Variants in CAT observed in about 807,000 individuals in gnomAD.
CAT encodes the protein catalase.
In CAT, 43 loss-of-function variants were observed where a neutral mutation model predicts 59.0. The observed-to-expected ratio is 0.73, with a 90% CI of 0.57 to 0.94. CAT has a LOEUF of 0.94. Among genes scored for constraint, CAT ranks in the 40% least tolerant of loss-of-function variants. The probability of loss-of-function intolerance (pLI) is 0.00; values close to 1 mark genes in which losing one functional copy is unlikely to be tolerated. For missense variants in CAT, 664 were observed against 682.9 expected, an observed-to-expected ratio of 0.97 and a Z score of 0.31; for synonymous variants, 218 against 230.9, an observed-to-expected ratio of 0.94 and a Z score of 0.51.
chr11:34,439,253 AG>A (rs1171630843), intron 1 of CAT, among the ~76,000 whole-genome samples, 174 bp downstream of exon 1: 1 of 151,642 alleles, frequency 6.6e-6, no homozygotes, highest in African/African-American at 2.4e-5. Flanking sequence ...GAAGCAGGGG[AG>A]GGGGGTCCGG....
intron 1 of CAT, among the ~76,000 whole-genome samples, chr11:34,442,682 C>T (rs1856405669): frequency 2.0e-5 from 3 of 152,218 alleles, no homozygotes; most frequent in Admixed American, 2.0e-4. Context: ...TGGGTGGGTG[C>T]TCTGCTTCCC....
chr11:34,461,385 T>A lies in CAT; in HGVS notation c.1191T>A (p.Asn397Lys). The change falls in exon 9 of 13, where the codon AAT (asparagine) becomes AAA (lysine). Residue 397 changes from asparagine to lysine, a missense_variant. Transcript: ENST00000241052. ...QRDGPMCMQD[N>K]QGGAPNYYPN... is the part of the protein sequence containing the mutation. Reference sequence around the variant, plus strand: ...ACGGCCCGATGTGCATGCAGGACAATCAGGGTAGGCCTAAAGACGTTGGGC... The same window carrying A: ...ACGGCCCGATGTGCATGCAGGACAAACAGGGTAGGCCTAAAGACGTTGGGC... The A allele has an allele frequency of 8.7e-6, 14 of 1,614,112 alleles. No homozygotes were observed. The highest frequency in any genetic ancestry group is 1.2e-5 in the Non-Finnish European group (14 of 1,180,014).
chr11:34,470,899 G>T (rs1856765480), intron 11 of CAT, 59 bp from the exon 12 acceptor site: 7 of 1,368,520 alleles, frequency 5.1e-6, no homozygotes, highest in Non-Finnish European at 7.3e-6. Context: ...CACAGTCCCT[G>T]GGGAGTGATA....
chr11:34,439,438 G>C (rs1400626808), intron 1 of CAT, among the ~76,000 whole-genome samples: 1 of 152,130 alleles, frequency 6.6e-6, no homozygotes, highest in Non-Finnish European at 1.5e-5. Context: ...GGGGAGAAGT[G>C]GAACCAGGCT....
At position 34,461,357 on chromosome 11, in the gene CAT, G is replaced by C. The variant is rs757875647; in HGVS notation, c.1163G>C (p.Arg388Pro). Residue 388 changes from arginine (R) to proline (P), a missense_variant, in exon 9 of 13, where the codon CGT (arginine) becomes CCT (proline). Coordinates refer to ENST00000241052, the MANE Select transcript of CAT (RefSeq NM_001752.4). ...PYRARVANYQ[R>P]DGPMCMQDNQ... ...CGTGCTCGAGTGGCCAACTACCAGC[G>C]TGACGGCCCGATGTGCATGCAGGAC... 3.1e-6 allele frequency: 5 copies of C among 1,614,178 alleles called. No homozygotes were observed. The highest frequency in any genetic ancestry group is 1.7e-5 in the Admixed American group (1 of 60,028).
intron 2 of CAT, among the ~76,000 whole-genome samples, chr11:34,449,592 C>T (rs925926848): frequency 6.6e-6 from 1 of 152,182 alleles, no homozygotes; most frequent in Non-Finnish European, 1.5e-5. Flanking sequence ...TTCCATTTCT[C>T]CCATCATTGA....
At chr11:34,441,557 G>A (rs1012552016) in intron 1 of CAT, among the ~76,000 whole-genome samples, 2 of 152,198 alleles carry the variant, frequency 1.3e-5, no homozygotes, top group African/African-American at 4.8e-5. Flanking sequence ...CACTTTTGGA[G>A]GCTGAGGTGG....
chr11:34,464,125 C>A lies in CAT; in HGVS notation c.1216C>A (p.Pro406Thr). 1 of 1,614,060 alleles carries A rather than the reference C, an allele frequency of 6.2e-7. No individual in the cohort carries two copies. The highest frequency in any genetic ancestry group is 8.5e-7 in the Non-Finnish European group (1 of 1,180,008). The change falls in exon 10 of 13, where the codon CCC becomes ACC. Residue 406 changes from proline (P) to threonine (T), a missense_variant. By Grantham distance (38) the Pro-to-Thr change is conservative. Transcript: ENST00000241052. ...DNQGGAPNYY[P>T]NSFGAPEQQP... ...TGAAGGTGGTGCTCCAAATTACTAC[C>A]CCAACAGCTTTGGTGCTCCGGAACA...
At chr11:34,462,348 A>G (rs1165259304) in intron 9 of CAT, among the ~76,000 whole-genome samples, 1 of 152,208 alleles carries the variant, frequency 6.6e-6, no homozygotes, top group East Asian at 1.9e-4. Context: ...ATATATAGGA[A>G]AAAGAAGAAA....
chr11:34,439,836 C>T (rs897081307), intron 1 of CAT, among the ~76,000 whole-genome samples: 1 of 152,112 alleles, frequency 6.6e-6, no homozygotes, highest in Non-Finnish European at 1.5e-5. Flanking sequence ...TACACTCCAG[C>T]GTGGTGAGGG....
Position 34,439,098 on chromosome 11 carries a change from G to C in CAT, c.66+19G>C, listed in dbSNP as rs1474869201. Reference sequence around the variant, plus strand: ...CGCGCAGGTACACTCTGTGCTCCCCGAGCGGGCCCGAAGGTCCGTTTAGAA... The same window carrying C: ...CGCGCAGGTACACTCTGTGCTCCCCCAGCGGGCCCGAAGGTCCGTTTAGAA... On this transcript the variant is annotated intron_variant, in intron 1 of 12. Coordinates refer to ENST00000241052, the MANE Select transcript of CAT (RefSeq NM_001752.4). 11 of 1,569,626 alleles carry C rather than the reference G, an allele frequency of 7.0e-6. No individual in the cohort carries two copies. Among genetic ancestry groups the C allele is most frequent in the African/African-American group, 6.8e-5 (5 of 73,676 alleles).
chr11:34,466,650 G>A lies in CAT; in HGVS notation c.1327-1638G>A, dbSNP rs375686132. Among the ~76,000 whole-genome samples the A allele has an allele frequency of 1.3e-4, 20 of 149,876 alleles. 1 individual carries two copies. Among genetic ancestry groups the A allele is most frequent in the African/African-American group, 2.2e-4 (9 of 40,924 alleles). On this transcript the variant is annotated intron_variant, in intron 10 of 12. Coordinates refer to ENST00000241052, the MANE Select transcript of CAT (RefSeq NM_001752.4). Reference sequence around the variant, plus strand: ...AAAAAAATTAGCCGGGCGTGGTGGCGGGCGCCTGTAGTCCCAGCTACTCAG... The same window carrying A: ...AAAAAAATTAGCCGGGCGTGGTGGCAGGCGCCTGTAGTCCCAGCTACTCAG...
chr11:34,468,438 A>G (rs1484154420), intron 11 of CAT, 43 bp downstream of exon 11: 4 of 1,341,870 alleles, frequency 3.0e-6, no homozygotes, highest in Non-Finnish European at 4.3e-6. Context: ...CTGGCTAAGG[A>G]AGACAGTGCA....
chr11:34,461,112 AAGT>A, intron 8 of CAT, 136 bp from the exon 9 acceptor site: 1 of 917,346 alleles, frequency 1.1e-6, no homozygotes, highest in Non-Finnish European at 1.8e-6. Flanking sequence ...CTTCACTCTT[AAGT>A]AGCGGGAAAG....
At chr11:34,445,266 G>A (rs1289338600) in intron 1 of CAT, among the ~76,000 whole-genome samples, 1 of 152,018 alleles carries the variant, frequency 6.6e-6, no homozygotes, top group Admixed American at 6.6e-5. Context: ...AAGATGGGCG[G>A]ATTTCTTGAG....
Position 34,445,495 on chromosome 11 carries a change from C to CAAAAAAA in CAT, c.67-3676_67-3670dup, listed in dbSNP as rs58169234. On this transcript the variant is annotated intron_variant, in intron 1 of 12. Transcript: ENST00000241052. ...TGGGCAATAGAGCGAGACTCCATCT[C>CAAAAAAA]AAAAAAAAAAAAAAAAAAAAAAAAA... Among the ~76,000 whole-genome samples, 163 of 36,312 alleles carry CAAAAAAA rather than the reference C, an allele frequency of 4.5e-3. 6 individuals carry two copies. Among genetic ancestry groups the CAAAAAAA allele is most frequent in the African/African-American group, 9.3e-3 (75 of 8,102 alleles). The allele number at this position is 36,312 out of a possible 152,430, so 23.8% of individuals were successfully genotyped here. A position where few individuals can be genotyped will look rare whatever the true frequency, so the allele number is the denominator to read the frequency against.
At chr11:34,449,411 G>C in intron 2 of CAT, 48 bp downstream of exon 2, 1 of 1,519,156 alleles carries the variant, frequency 6.6e-7, no homozygotes, top group East Asian at 2.3e-5. Flanking sequence ...CACAGCACCT[G>C]GGTCAAGTGT....
chr11:34,464,509 A>T (rs1214448542), intron 10 of CAT, among the ~76,000 whole-genome samples: 1 of 152,148 alleles, frequency 6.6e-6, no homozygotes, highest in Non-Finnish European at 1.5e-5. Context: ...GGAAACAGTT[A>T]TCTCATGGGA....
At chr11:34,471,226 T>C in intron 12 of CAT, 142 bp from the exon 13 acceptor site, 1 of 870,376 alleles carries the variant, frequency 1.1e-6, no homozygotes, top group African/African-American at 1.7e-5. Flanking sequence ...ATACTCTTCA[T>C]TTTAGCGCTG....
Sources: gnomAD v4.1 joint callset for allele counts (sites outside exome capture counted in the v4.1 genomes callset) on GRCh38, gnomAD v4.1.1 for gene constraint, MANE v1.5 for transcripts, NCBI Gene and HGNC (gene_info 2026-07-23, HGNC 2026-07-21) for gene names.